The following DTNBP1 variants were observed in gnomAD, a reference collection of about 807,000 sequenced individuals.
DTNBP1 encodes the protein dysbindin.
In DTNBP1, 35 loss-of-function variants were observed where a neutral mutation model predicts 42.8. That is an observed-to-expected ratio of 0.82 (90% CI 0.63 to 1.09). The LOEUF is 1.09. Among genes scored for constraint, DTNBP1 ranks in the 50% least tolerant of loss-of-function variants. The pLI, the probability that DTNBP1 is intolerant of heterozygous loss-of-function variation, is 0.00. For missense variants in DTNBP1, 457 were observed against 424.2 expected (o/e 1.08, Z -0.68); for synonymous variants, 171 against 162.2 (o/e 1.05, Z -0.41).
Position 15,662,851 on chromosome 6 carries a change from C to A in DTNBP1, c.19G>T (p.Glu7Ter), listed in dbSNP as rs1419406425. 6.2e-6 allele frequency: 10 copies of A among 1,608,796 alleles called. No homozygotes were observed. Among genetic ancestry groups the A allele is most frequent in the Non-Finnish European group, 7.6e-6 (9 of 1,179,550 alleles). Reference protein sequence around the residue: MLETLRERLLSVQQDFT... With the variant: MLETLR ...TCCTGCTGCACGCTCAGCAGCCGCT[C>A]GCGAAGGGTCTCCAGCATTGCCGCC... Residue 7 changes from glutamate to a stop codon, truncating the protein, a stop_gained, in exon 1 of 10, where the codon GAG becomes TAG. Transcript: ENST00000344537. LOFTEE classifies it high-confidence loss of function.
intron 8 of DTNBP1, among the ~76,000 whole-genome samples, chr6:15,525,308 C>T (rs1379118140): frequency 2.0e-5 from 3 of 152,236 alleles, no homozygotes; most frequent in African/African-American, 7.2e-5. Context: ...CAGGTCTTTA[C>T]TCATAGGCAA....
At chr6:15,592,615 A>G (rs928249480) in intron 7 of DTNBP1, among the ~76,000 whole-genome samples, 1 of 152,202 alleles carries the variant, frequency 6.6e-6, no homozygotes, top group African/African-American at 2.4e-5. Context: ...GTGCCTGAAA[A>G]GGTAAGAGAC....
intron 7 of DTNBP1, among the ~76,000 whole-genome samples, chr6:15,552,697 ACTGAG>A (rs1275168736): frequency 1.3e-5 from 2 of 152,246 alleles, no homozygotes; most frequent in Non-Finnish European, 2.9e-5. Flanking sequence ...TAACTTATAA[ACTGAG>A]CTAACATTCC....
intron 3 of DTNBP1, among the ~76,000 whole-genome samples, chr6:15,640,361 A>C (rs144469392): frequency 2.0e-5 from 3 of 152,318 alleles, no homozygotes; most frequent in Non-Finnish European, 4.4e-5. Flanking sequence ...AAACTCCTTC[A>C]ATTTTTCTGT....
rs554631666 is a variant in DTNBP1, at chr6:15,549,346, G to T, written c.512-15951C>A. On this transcript the variant is annotated intron_variant, in intron 7 of 9. Transcript: ENST00000344537. ...CTAAAAATACAAAAATTAGCCAGGC[G>T]TGGTGGCGGGTGCCTGTAATCCCAG... Among the ~76,000 whole-genome samples the T allele has an allele frequency of 5.3e-5, 8 of 151,956 alleles. No individual in the cohort carries two copies. In the South Asian group the frequency reaches 1.7e-3, roughly 32 times the overall value.
At chr6:15,543,378 A>G (rs190875076) in intron 7 of DTNBP1, among the ~76,000 whole-genome samples, 108 of 152,308 alleles carry the variant, frequency 7.1e-4, no homozygotes, top group African/African-American at 2.4e-3. Flanking sequence ...GCTTATTCAG[A>G]TTTCACCAGT....
chr6:15,583,290 T>TA (rs1468521366), intron 7 of DTNBP1, among the ~76,000 whole-genome samples: 2 of 152,174 alleles, frequency 1.3e-5, no homozygotes, highest in South Asian at 2.1e-4. Context: ...CCCATATACT[T>TA]ATATTTATGC....
chr6:15,634,309 T>G (rs1759873634), intron 4 of DTNBP1, among the ~76,000 whole-genome samples: 1 of 152,180 alleles, frequency 6.6e-6, no homozygotes, highest in Admixed American at 6.6e-5. Context: ...CTCATTGTTC[T>G]AGTTTTTTTC....
At chr6:15,597,090 T>C (rs772581068) in intron 6 of DTNBP1, among the ~76,000 whole-genome samples, 12 of 152,174 alleles carry the variant, frequency 7.9e-5, no homozygotes, top group Non-Finnish European at 1.5e-4. Context: ...TTAGACACTA[T>C]GATAATGTTA....
chr6:15,569,145 T>TAG (rs1416122008), intron 7 of DTNBP1, among the ~76,000 whole-genome samples: 1 of 152,196 alleles, frequency 6.6e-6, no homozygotes, highest in Non-Finnish European at 1.5e-5. Context: ...CATATAGCAC[T>TAG]AGACACTGAC....
chr6:15,615,121 T>A (rs1758641764), intron 6 of DTNBP1, 146 bp downstream of exon 6: 1 of 1,292,854 alleles, frequency 7.7e-7, no homozygotes, highest in East Asian at 2.3e-5. Context: ...CAGTGGTTTT[T>A]AAAAAAAGTT....
chr6:15,579,902 T>C (rs1051016706), intron 7 of DTNBP1: 2 of 452,738 alleles, frequency 4.4e-6, no homozygotes, highest in Admixed American at 4.7e-5. Context: ...GATTTACTCA[T>C]TACACATTAC....
chr6:15,593,088 G>GAAAAAAA lies in DTNBP1; in HGVS notation c.489-14_489-8dup. ...GAAGGTTTCAAGTTCCTTCCTGTAGGAAAAAAAAAAAAAAGACAAGACAAT... is the reference window on the plus strand; with the variant it reads ...GAAGGTTTCAAGTTCCTTCCTGTAGGAAAAAAAAAAAAAAAAAAAAAGACAAGACAAT... On this transcript the variant is annotated splice_region_variant and splice_polypyrimidine_tract_variant and intron_variant, in intron 6 of 9. Transcript: ENST00000344537. 7.4e-7 allele frequency: 1 copy of GAAAAAAA among 1,346,604 alleles called. No homozygotes were observed. The highest frequency in any genetic ancestry group is 1.0e-6 in the Non-Finnish European group (1 of 989,702). 83.4% of individuals were successfully genotyped at this position (1,346,604 alleles called of 1,614,324 possible). A position where few individuals can be genotyped will look rare whatever the true frequency, so the allele number is the denominator to read the frequency against.
At chr6:15,533,704 G>C in intron 7 of DTNBP1, 1 of 528,880 alleles carries the variant, frequency 1.9e-6, no homozygotes, top group East Asian at 4.9e-5. Context: ...CACCTTCCAA[G>C]ACCAGCTTCT....
intron 4 of DTNBP1, among the ~76,000 whole-genome samples, chr6:15,630,450 T>C (rs1759627712): frequency 6.6e-6 from 1 of 152,190 alleles, no homozygotes; most frequent in Admixed American, 6.5e-5. Context: ...ACCATGAATC[T>C]TGAAAGTTCA....
At chr6:15,529,757 A>G (rs970713207) in intron 8 of DTNBP1, among the ~76,000 whole-genome samples, 3 of 152,390 alleles carry the variant, frequency 2.0e-5, no homozygotes, top group African/African-American at 4.8e-5. Context: ...GACACTCAGC[A>G]ATAAAATCAA....
chr6:15,563,846 G>A lies in DTNBP1; in HGVS notation c.511+29213C>T, dbSNP rs151035502. ...GCTGAGGCTGGGCCGAGGTTCCCGC[G>A]GTGGAACACCTGAAGTCAGGAGTTC... On this transcript the variant is annotated intron_variant, in intron 7 of 9. Coordinates refer to ENST00000344537, the MANE Select transcript of DTNBP1 (RefSeq NM_032122.5). Among the ~76,000 whole-genome samples, 27 of 152,178 alleles carry A rather than the reference G, an allele frequency of 1.8e-4. No homozygotes were observed. The East Asian group carries it at 3.9e-3, about 22-fold the overall frequency.
rs371606630 is a variant in DTNBP1 at position 15,523,002 on chromosome 6, C to T, written c.1029G>A (p.Pro343=). 2.3e-5 allele frequency: 37 copies of T among 1,614,210 alleles called. No individual in the cohort carries two copies. The Middle Eastern group carries it at 4.9e-4, about 22-fold the overall frequency. ...AAGAGTCGCTGTCCTCACCACCATC[C>T]GGAGTGGCCTCTCTGTCAGTGTGTG... ...ATSHTDREAT[P]DGGEDSDS The change falls in exon 10 of 10, where the codon CCG becomes CCA. Residue 343 remains proline (P), a synonymous_variant. Coordinates refer to ENST00000344537, the MANE Select transcript of DTNBP1 (RefSeq NM_032122.5).
intron 6 of DTNBP1, among the ~76,000 whole-genome samples, chr6:15,594,981 T>C (rs1308531808): frequency 6.6e-6 from 1 of 152,108 alleles, no homozygotes; most frequent in East Asian, 1.9e-4. Context: ...AATGAGTGAG[T>C]GTGCAATTGA....
Sources: gnomAD v4.1 joint callset for allele counts (sites outside exome capture counted in the v4.1 genomes callset) on GRCh38, gnomAD v4.1.1 for gene constraint, MANE v1.5 for transcripts, NCBI Gene and HGNC (gene_info 2026-07-23, HGNC 2026-07-21) for gene names.